CDKAL1: variants seen among roughly 807,000 people sequenced by gnomAD.
CDKAL1 encodes CDKAL1 threonylcarbamoyladenosine tRNA methylthiotransferase.
A neutral mutation model predicts 68.2 loss-of-function variants in CDKAL1; 32 were observed. The observed-to-expected ratio is 0.47, with a 90% CI of 0.35 to 0.63. The LOEUF (loss-of-function observed/expected upper bound fraction) is 0.63, where lower values mean the gene tolerates loss of function less well. CDKAL1 is among the 30% of genes least tolerant of loss of function. The pLI is 0.00. For synonymous variants in CDKAL1, 234 were observed against 244.3 expected, an observed-to-expected ratio of 0.96 and a Z score of 0.39; for missense variants, 606 against 696.7, an observed-to-expected ratio of 0.87 and a Z score of 1.47.
chr6:21,050,770 A>G (rs1483282604), intron 11 of CDKAL1, among the ~76,000 whole-genome samples: 1 of 152,200 alleles, frequency 6.6e-6, no homozygotes, highest in African/African-American at 2.4e-5. Flanking sequence ...GTCCAGTCCA[A>G]GGATTTAACT....
Position 21,055,151 on chromosome 6 carries a change from G to T in CDKAL1, c.1056-9897G>T, listed in dbSNP as rs1023118526. Among the ~76,000 whole-genome samples, 3 of 151,810 alleles carry T rather than the reference G, an allele frequency of 2.0e-5. No individual in the cohort carries two copies. The South Asian group carries it at 6.2e-4, about 32-fold the overall frequency. ...TTTTGTCCTTTATTCTTTTTATATG[G>T]TACATTACATTAATTGATACTCACA... On this transcript the variant is annotated intron_variant, in intron 11 of 15. Transcript: ENST00000274695.
At chr6:20,647,230 G>A (rs73373839) in intron 4 of CDKAL1, among the ~76,000 whole-genome samples, 9,373 of 152,276 alleles carry the variant, frequency 0.062, 896 homozygotes, top group African/African-American at 0.21. Flanking sequence ...CCTGTAATAA[G>A]TGCTGGGGAT....
chr6:20,832,405 C>G (rs894658617), intron 8 of CDKAL1, among the ~76,000 whole-genome samples: 1 of 151,594 alleles, frequency 6.6e-6, no homozygotes, highest in African/African-American at 2.4e-5. Context: ...AAAGTTGACA[C>G]CTAGAAAGAT....
rs965785624 is a variant in CDKAL1, at chr6:21,223,833, G to C, written c.1549-7015G>C. Among the ~76,000 whole-genome samples the C allele has an allele frequency of 5.3e-5, 8 of 152,282 alleles. No homozygotes were observed. The South Asian group carries it at 6.2e-4, about 12-fold the overall frequency. On this transcript the variant is annotated intron_variant, in intron 15 of 15. Coordinates refer to ENST00000274695, the MANE Select transcript of CDKAL1 (RefSeq NM_017774.3). ...GCCTGTTTCCTCCCCATTTTCTTAGGAAGCAGCTAGCTCAGCAAGTCTGTT... is the reference window on the plus strand; with the variant it reads ...GCCTGTTTCCTCCCCATTTTCTTAGCAAGCAGCTAGCTCAGCAAGTCTGTT...
chr6:20,763,790 C>G (rs906832645), intron 7 of CDKAL1, among the ~76,000 whole-genome samples: 3 of 152,170 alleles, frequency 2.0e-5, no homozygotes, highest in East Asian at 3.8e-4. Context: ...TTTCATTTAT[C>G]TGTCTTGATT....
At chr6:20,762,058 C>A (rs1774493461) in intron 7 of CDKAL1, among the ~76,000 whole-genome samples, 1 of 152,074 alleles carries the variant, frequency 6.6e-6, no homozygotes, top group Admixed American at 6.6e-5. Flanking sequence ...CTGAGTTTTT[C>A]TTTGAATCTA....
intron 8 of CDKAL1, among the ~76,000 whole-genome samples, chr6:20,783,879 T>A (rs536994801): frequency 6.6e-6 from 1 of 152,130 alleles, no homozygotes; most frequent in African/African-American, 2.4e-5. Flanking sequence ...CAGGACCTCC[T>A]CAGATACAAC....
intron 5 of CDKAL1, among the ~76,000 whole-genome samples, chr6:20,688,714 A>T (rs1158301110): frequency 1.3e-5 from 2 of 152,114 alleles, no homozygotes; most frequent in African/African-American, 4.8e-5. Flanking sequence ...TTAAATTCCC[A>T]GTCTGATAAT....
At chr6:21,093,099 T>G (rs1773128680) in intron 12 of CDKAL1, among the ~76,000 whole-genome samples, 1 of 152,130 alleles carries the variant, frequency 6.6e-6, no homozygotes, top group Non-Finnish European at 1.5e-5. Context: ...CTGAAGGTCA[T>G]GAATTAACAG....
chr6:20,671,522 A>C (rs1769813803), intron 5 of CDKAL1, among the ~76,000 whole-genome samples: 1 of 152,116 alleles, frequency 6.6e-6, no homozygotes, highest in Non-Finnish European at 1.5e-5. Context: ...CTAAGTTATC[A>C]CCTTTGTGTA....
At chr6:20,772,495 A>G (rs1036579561) in intron 7 of CDKAL1, among the ~76,000 whole-genome samples, 20 of 152,252 alleles carry the variant, frequency 1.3e-4, no homozygotes, top group African/African-American at 4.8e-4. Flanking sequence ...ATTAAAACAT[A>G]AAATTAAATA....
intron 7 of CDKAL1, among the ~76,000 whole-genome samples, chr6:20,766,548 TCTTAATTACA>T (rs777474099): frequency 3.3e-5 from 5 of 152,214 alleles, no homozygotes; most frequent in Non-Finnish European, 5.9e-5. Flanking sequence ...ACTTGCCTAC[TCTTAATTACA>T]CTTACACATT....
intron 12 of CDKAL1, among the ~76,000 whole-genome samples, chr6:21,072,145 A>G (rs1771808986): frequency 6.6e-6 from 1 of 152,138 alleles, no homozygotes; most frequent in Admixed American, 6.5e-5. Flanking sequence ...CTTCAACTCT[A>G]ATTTTTGTAT....
chr6:21,034,990 C>G (rs1475134567), intron 11 of CDKAL1, among the ~76,000 whole-genome samples: 1 of 152,064 alleles, frequency 6.6e-6, no homozygotes, highest in African/African-American at 2.4e-5. Flanking sequence ...GGTAGATTGT[C>G]TACATATCTC....
chr6:21,117,226 C>T (rs1160745330), intron 13 of CDKAL1, among the ~76,000 whole-genome samples: 1 of 151,862 alleles, frequency 6.6e-6, no homozygotes, highest in Non-Finnish European at 1.5e-5. Flanking sequence ...AGTCCTGTTA[C>T]ATGCCAGAGT....
intron 8 of CDKAL1, among the ~76,000 whole-genome samples, chr6:20,806,195 A>C (rs1169307487): frequency 2.6e-5 from 4 of 152,026 alleles, no homozygotes; most frequent in African/African-American, 9.7e-5. Flanking sequence ...ATCCATATGT[A>C]CTCAATGTTT....
intron 9 of CDKAL1, among the ~76,000 whole-genome samples, chr6:20,954,855 C>T (rs1764702625): frequency 6.6e-6 from 1 of 152,098 alleles, no homozygotes; most frequent in African/African-American, 2.4e-5. Flanking sequence ...AGGCAGCAAC[C>T]AACTTTTTTG....
chr6:21,189,969 C>G, intron 13 of CDKAL1, among the ~76,000 whole-genome samples: 1 of 152,152 alleles, frequency 6.6e-6, no homozygotes. Flanking sequence ...CAAGACCATA[C>G]TTTTCTCCAA....
At chr6:20,925,205 A>G (rs1235040822) in intron 9 of CDKAL1, among the ~76,000 whole-genome samples, 2 of 152,236 alleles carry the variant, frequency 1.3e-5, no homozygotes, top group Non-Finnish European at 2.9e-5. Context: ...GAAGTCTCAG[A>G]CGATCGTTAG....
Sources: gnomAD v4.1 joint callset for allele counts (sites outside exome capture counted in the v4.1 genomes callset) on GRCh38, gnomAD v4.1.1 for gene constraint, MANE v1.5 for transcripts, NCBI Gene and HGNC (gene_info 2026-07-23, HGNC 2026-07-21) for gene names.